The following SIK2 variants were observed in gnomAD, a reference collection of about 807,000 sequenced individuals.
SIK2 encodes salt inducible kinase 2.
SIK2 carries 29 observed loss-of-function variants against 103.2 expected under a neutral mutation model. The ratio of observed to expected loss-of-function variants is 0.28; its 90% CI spans 0.21 to 0.38. SIK2 has a LOEUF of 0.38. SIK2 is among the 10% of genes least tolerant of loss of function. The pLI is 1.00. For missense variants in SIK2, 879 were observed against 1,171.0 expected, an observed-to-expected ratio of 0.75 and a Z score of 3.64; for synonymous variants, 412 against 446.1, an observed-to-expected ratio of 0.92 and a Z score of 0.96.
In SIK2 at chr11:111,724,110, G is replaced by A. The variant is rs904888673; in HGVS notation, c.2762G>A (p.Gly921Glu). The A allele has an allele frequency of 1.2e-6, 2 of 1,610,972 alleles. No individual in the cohort carries two copies. Among genetic ancestry groups the A allele is most frequent in the Non-Finnish European group, 1.7e-6 (2 of 1,179,592 alleles). The part of the protein sequence containing the change: ...MLDAVDPQHN[G>E]YVLVN ...GACGCTGTGGATCCACAACACAACG[G>A]GTATGTCCTGGTGAATTAGTCTCAG... Residue 921 changes from glycine (G) to glutamate (E), a missense_variant, in exon 15 of 15, where the codon GGG (glycine) becomes GAG (glutamate). Transcript: ENST00000304987.
intron 9 of SIK2, among the ~76,000 whole-genome samples, chr11:111,713,525 T>C (rs1309010248): frequency 6.6e-6 from 1 of 152,138 alleles, no homozygotes; most frequent in Non-Finnish European, 1.5e-5. Flanking sequence ...TTATAGATAA[T>C]AAATAATGGT....
intron 3 of SIK2, among the ~76,000 whole-genome samples, chr11:111,656,463 CTTT>C: frequency 6.6e-6 from 1 of 152,228 alleles, no homozygotes; most frequent in East Asian, 1.9e-4. Context: ...ATTCAAGCTA[CTTT>C]TTTTACCTAC....
chr11:111,666,785 G>T (rs1414320989), intron 3 of SIK2, among the ~76,000 whole-genome samples: 1 of 152,062 alleles, frequency 6.6e-6, no homozygotes, highest in Non-Finnish European at 1.5e-5. Flanking sequence ...GAACTTGAGT[G>T]TAAATATTAG....
At chr11:111,687,955 T>C (rs183612493) in intron 3 of SIK2, 46 bp from the exon 4 acceptor site, 3 of 1,595,646 alleles carry the variant, frequency 1.9e-6, no homozygotes, top group Admixed American at 1.8e-5. Context: ...AATAGTGGAG[T>C]TATTTTATTT....
chr11:111,603,632 TCTC>T (rs1347414868), intron 1 of SIK2, among the ~76,000 whole-genome samples: 2 of 152,090 alleles, frequency 1.3e-5, no homozygotes, highest in African/African-American at 4.8e-5. Flanking sequence ...CTCAAGCTGC[TCTC>T]CTCAGGGTCT....
intron 3 of SIK2, among the ~76,000 whole-genome samples, chr11:111,666,490 AGGCTG>A (rs1942544185): frequency 6.6e-6 from 1 of 152,226 alleles, no homozygotes; most frequent in Non-Finnish European, 1.5e-5. Context: ...AGGTAAGTTT[AGGCTG>A]TTGCTAGCCA....
chr11:111,617,859 T>TAC (rs367901545), intron 2 of SIK2, among the ~76,000 whole-genome samples: 16,367 of 150,808 alleles, frequency 0.11, 1,104 homozygotes, highest in South Asian at 0.27. Context: ...TGTATATATA[T>TAC]ATACACACAC....
chr11:111,640,722 ATTTTTTTTTTTTT>A (rs58052684), intron 3 of SIK2, among the ~76,000 whole-genome samples: 880 of 65,994 alleles, frequency 0.013, 19 homozygotes, highest in Non-Finnish European at 0.016. Flanking sequence ...GAAACAGGCA[ATTTTTTTTTTTTT>A]TTTTTTTTTT....
At position 111,628,416 on chromosome 11, in the gene SIK2, A is replaced by ATCTTTCTTTCTT. The variant is rs112377118; in HGVS notation, c.316+8040_316+8051dup. Among the ~76,000 whole-genome samples, 314 of 125,682 alleles carry ATCTTTCTTTCTT rather than the reference A, an allele frequency of 2.5e-3. 14 individuals carry two copies. The highest frequency in any genetic ancestry group is 6.0e-3 in the East Asian group (20 of 3,346). The allele number at this position is 125,682 out of a possible 152,430, so 82.5% of individuals were successfully genotyped here. ...CCTCTTTAGAGGCAACCGCTTTCAT[A>ATCTTTCTTTCTT]TCTTTCTTTCTTTCTTTCTTTCTTT... On this transcript the variant is annotated intron_variant, in intron 3 of 14. Transcript: ENST00000304987.
intron 1 of SIK2, among the ~76,000 whole-genome samples, chr11:111,606,134 G>A (rs2135827291): frequency 6.6e-6 from 1 of 152,230 alleles, no homozygotes; most frequent in East Asian, 1.9e-4. Context: ...ACAGTATTAG[G>A]AAATAACTTT....
intron 2 of SIK2, among the ~76,000 whole-genome samples, chr11:111,619,937 G>A (rs1056102088): frequency 5.9e-5 from 9 of 152,114 alleles, no homozygotes; most frequent in African/African-American, 2.2e-4. Flanking sequence ...GACTAGAAAC[G>A]TCAGTGAGGA....
intron 4 of SIK2, among the ~76,000 whole-genome samples, chr11:111,699,349 C>T (rs1943157031): frequency 6.6e-6 from 1 of 152,028 alleles, no homozygotes; most frequent in African/African-American, 2.4e-5. Context: ...TTTTTGGGAC[C>T]TTTTTCTCTG....
At chr11:111,662,268 C>T (rs1942477107) in intron 3 of SIK2, among the ~76,000 whole-genome samples, 1 of 152,128 alleles carries the variant, frequency 6.6e-6, no homozygotes, top group African/African-American at 2.4e-5. Context: ...AATATTCATT[C>T]GTCAATTCAG....
intron 1 of SIK2, among the ~76,000 whole-genome samples, chr11:111,615,439 A>G (rs369364321): frequency 1.3e-5 from 2 of 152,148 alleles, no homozygotes; most frequent in East Asian, 3.8e-4. Context: ...TATCTGAAAA[A>G]TTTATTTAAA....
At chr11:111,610,209 G>A (rs1483411665) in intron 1 of SIK2, among the ~76,000 whole-genome samples, 1 of 152,162 alleles carries the variant, frequency 6.6e-6, no homozygotes, top group Non-Finnish European at 1.5e-5. Context: ...GACAGGATAG[G>A]CCAGGCATGG....
rs1943311535 is a variant in SIK2 at position 111,705,094 on chromosome 11, C to T, written c.1056C>T (p.Gly352=). 1 of 1,605,126 alleles carries T rather than the reference C, an allele frequency of 6.2e-7. No homozygotes were observed. The highest frequency in any genetic ancestry group is 2.2e-5 in the East Asian group (1 of 44,544). ...SSFPVEQRLD[G]RQRRPSTIAE... ...TCCCAGTGGAGCAGAGACTTGATGG[C>T]CGCCAGCGTCGGCCTAGCACCATTG... The change falls in exon 8 of 15, where the codon GGC becomes GGT. Residue 352 remains glycine, a synonymous_variant. Transcript: ENST00000304987. This position sits in a 1 kb window ranked among gnomAD's most constrained non-coding sequence, Gnocchi z 4.3.
chr11:111,616,004 A>G (rs529752100), intron 1 of SIK2, among the ~76,000 whole-genome samples: 1 of 152,222 alleles, frequency 6.6e-6, no homozygotes, highest in African/African-American at 2.4e-5. Context: ...TGAAAGAGAA[A>G]CATGTTTTCA....
chr11:111,682,924 A>C (rs1942795282), intron 3 of SIK2, among the ~76,000 whole-genome samples: 1 of 152,220 alleles, frequency 6.6e-6, no homozygotes, highest in Non-Finnish European at 1.5e-5. Flanking sequence ...GTAAAATGGC[A>C]GTAAAAAATA....
intron 3 of SIK2, chr11:111,672,239 C>A (rs1942639270): frequency 2.7e-6 from 1 of 367,278 alleles, no homozygotes; most frequent in Non-Finnish European, 5.0e-6. Context: ...TCCACTCAGA[C>A]CTATGCTGGC....
Sources: gnomAD v4.1 joint callset for allele counts (sites outside exome capture counted in the v4.1 genomes callset) on GRCh38, gnomAD v4.1.1 for gene constraint, Gnocchi (gnomAD v3.1) non-coding constraint, MANE v1.5 for transcripts, NCBI Gene and HGNC (gene_info 2026-07-23, HGNC 2026-07-21) for gene names.